Variants in ZFHX2 observed in about 807,000 individuals in gnomAD.
The protein encoded by ZFHX2 is zinc finger homeobox protein 2.
ZFHX2 carries 75 observed loss-of-function variants against 164.8 expected under a neutral mutation model. That is an observed-to-expected ratio of 0.46 (90% CI 0.38 to 0.55). The LOEUF is 0.55. Ranked by LOEUF, ZFHX2 falls within the 20% of genes least tolerant of loss-of-function variation. ZFHX2 has a pLI of 0.00. For missense variants in ZFHX2, 2,933 were observed against 3,308.0 expected (o/e 0.89, Z 2.78); for synonymous variants, 1,217 against 1,351.4 (o/e 0.90, Z 2.18).
upstream of ZFHX2, among the ~76,000 whole-genome samples, chr14:23,553,261 A>G (rs1882104855): frequency 6.6e-6 from 1 of 152,238 alleles, no homozygotes; most frequent in Non-Finnish European, 1.5e-5. Context: ...TTTATGACTG[A>G]ATCCTCACAG....
At chr14:23,540,717 G>T (rs1177075746) in intron 1 of ZFHX2, among the ~76,000 whole-genome samples, 1 of 152,160 alleles carries the variant, frequency 6.6e-6, no homozygotes, top group East Asian at 1.9e-4. Flanking sequence ...CCTTATCTGG[G>T]AAAATGGGAA....
chr14:23,522,417 G>A lies in ZFHX2; in HGVS notation c.7264C>T (p.Pro2422Ser), dbSNP rs888780658. ...ATAPPKPPEL[P>S]APGEGEAGEV... Reference sequence around the variant, plus strand: ...CCAGCTTCCCCCTCCCCTGGAGCAGGCAGTTCAGGAGGCTTTGGAGGTGCT... The same window carrying A: ...CCAGCTTCCCCCTCCCCTGGAGCAGACAGTTCAGGAGGCTTTGGAGGTGCT... Residue 2422 changes from proline to serine, a missense_variant, in exon 10 of 10, where the codon CCT becomes TCT. Transcript: ENST00000419474. 2 of 1,536,358 alleles carry A rather than the reference G, an allele frequency of 1.3e-6. No individual in the cohort carries two copies. Among genetic ancestry groups the A allele is most frequent in the East Asian group, 2.4e-5 (1 of 40,934 alleles).
In ZFHX2 at chr14:23,535,737, C is replaced by T. The variant is rs1338954119; in HGVS notation, c.-49-363G>A. Reference sequence around the variant, plus strand: ...CCTCCTGAGTAGCTGGGATTACAGGCTTGTGCCACCACACCTGACTAATTT... The same window carrying T: ...CCTCCTGAGTAGCTGGGATTACAGGTTTGTGCCACCACACCTGACTAATTT... On this transcript the variant is annotated intron_variant, in intron 1 of 9. Transcript: ENST00000419474. The surrounding 1 kb of genome is among the most constrained non-coding windows in gnomAD (Gnocchi z 4.5). Among the ~76,000 whole-genome samples the T allele has an allele frequency of 2.0e-5, 3 of 152,022 alleles. No homozygotes were observed. Among genetic ancestry groups the T allele is most frequent in the Non-Finnish European group, 4.4e-5 (3 of 67,990 alleles).
intron 1 of ZFHX2, chr14:23,544,424 G>A (rs992515601): frequency 6.6e-6 from 1 of 152,418 alleles, no homozygotes; most frequent in Admixed American, 6.5e-5. Flanking sequence ...CCTGTGTTGG[G>A]GTATGTGTAT....
chr14:23,536,408 T>A lies in ZFHX2; in HGVS notation c.-49-1034A>T, dbSNP rs144688557. Among the ~76,000 whole-genome samples, 755 of 152,308 alleles carry A rather than the reference T, an allele frequency of 5.0e-3. 3 individuals carry two copies. The highest frequency in any genetic ancestry group is 0.017 in the African/African-American group (707 of 41,556). On this transcript the variant is annotated intron_variant, in intron 1 of 9. Transcript: ENST00000419474. ...GATTTCCCCTGGCATGCAGGCACCA[T>A]GCTTCTCTCCAATGCCTTCCAGATC...
intron 1 of ZFHX2, among the ~76,000 whole-genome samples, chr14:23,550,258 T>C (rs1426584768): frequency 1.3e-5 from 2 of 152,154 alleles, no homozygotes; most frequent in Non-Finnish European, 2.9e-5. Flanking sequence ...CTGAAGGCAC[T>C]AGAGGCTTTG....
At chr14:23,531,363 T>C (rs1266673823) in intron 4 of ZFHX2, 118 bp downstream of exon 4, 9 of 1,300,462 alleles carry the variant, frequency 6.9e-6, no homozygotes, top group South Asian at 4.6e-5. Flanking sequence ...CCATTTAGTA[T>C]AGGTGGCCTA....
chr14:23,524,601 G>A lies in ZFHX2; in HGVS notation c.5341C>T (p.Gln1781Ter), dbSNP rs1810660. 1 of 1,536,150 alleles carries A rather than the reference G, an allele frequency of 6.5e-7. No individual in the cohort carries two copies. The highest frequency in any genetic ancestry group is 8.7e-7 in the Non-Finnish European group (1 of 1,146,842). The change falls in exon 9 of 10, where the codon CAG becomes TAG. Residue 1781 changes from glutamine to a stop codon, truncating the protein, a stop_gained. Coordinates refer to ENST00000419474, the MANE Select transcript of ZFHX2 (RefSeq NM_033400.3). LOFTEE classifies it high-confidence loss of function. The surrounding 1 kb of genome is among the most constrained non-coding windows in gnomAD (Gnocchi z 5.6). ...CGGCGGTGACTGGTCAGGAGGTCCT[G>A]GCTGGAGAAAGAAATGGCACACTGG... ...CDQCAISFSS[Q>*]DLLTSHRRLH...
intron 7 of ZFHX2, 49 bp downstream of exon 7, chr14:23,527,548 TCCTGCAC>T: frequency 6.5e-7 from 1 of 1,530,380 alleles, no homozygotes; most frequent in Non-Finnish European, 8.8e-7. Context: ...CTTCCTCCCC[TCCTGCAC>T]AGCCCTAATA....
rs1318319985 is a variant in ZFHX2, at chr14:23,526,910, C to A, written c.3199G>T (p.Asp1067Tyr). Residue 1067 changes from aspartate (D) to tyrosine (Y), a missense_variant, in exon 8 of 10, where the codon GAC (aspartate) becomes TAC (tyrosine). Transcript: ENST00000419474. ...VLSAPTLSPL[D>Y]NGQEPPTHGP... is the part of the protein sequence containing the mutation. ...TGAGTGGGGGGTTCTTGGCCATTGTCCAGAGGGCTTAATGTGGGTGCAGAC... is the reference window on the plus strand; with the variant it reads ...TGAGTGGGGGGTTCTTGGCCATTGTACAGAGGGCTTAATGTGGGTGCAGAC... 6.5e-7 allele frequency: 1 copy of A among 1,534,544 alleles called. No individual in the cohort carries two copies. The highest frequency in any genetic ancestry group is 8.7e-7 in the Non-Finnish European group (1 of 1,146,320).
At position 23,523,131 on chromosome 14, in the gene ZFHX2, A is replaced by C; in HGVS notation, c.6739+72T>G. 1 of 1,400,306 alleles carries C rather than the reference A, an allele frequency of 7.1e-7. No individual in the cohort carries two copies. Among genetic ancestry groups the C allele is most frequent in the Non-Finnish European group, 9.2e-7 (1 of 1,082,616 alleles). The allele number at this position is 1,400,306 out of a possible 1,614,324, so 86.7% of individuals were successfully genotyped here. A position where few individuals can be genotyped will look rare whatever the true frequency, so the allele number is the denominator to read the frequency against. The stretch of plus-strand genomic sequence containing the variant: ...AGATTGGGCATGGGAAGAATCAGGA[A>C]GGAAAAGGAAGGGCATGTCATTAGA... On this transcript the variant is annotated intron_variant, in intron 9 of 9. Transcript: ENST00000419474. This position sits in a 1 kb window ranked among gnomAD's most constrained non-coding sequence, Gnocchi z 4.1.
chr14:23,539,100 C>T (rs1201163901), intron 1 of ZFHX2, among the ~76,000 whole-genome samples: 3 of 152,192 alleles, frequency 2.0e-5, no homozygotes, highest in African/African-American at 7.2e-5. Flanking sequence ...GAGTTCCCTG[C>T]TGCCCCTTCA....
rs1174741483 is a variant in ZFHX2 at position 23,535,019 on chromosome 14, C to A, written c.307G>T (p.Glu103Ter). The A allele has an allele frequency of 6.5e-7, 1 of 1,536,104 alleles. No individual in the cohort carries two copies. The highest frequency in any genetic ancestry group is 1.2e-5 in the South Asian group (1 of 84,064). The change falls in exon 2 of 10, where the codon GAA (glutamate) becomes TAA (stop). Residue 103 changes from glutamate to a stop codon, truncating the protein, a stop_gained. Coordinates refer to ENST00000419474, the MANE Select transcript of ZFHX2 (RefSeq NM_033400.3). LOFTEE classifies it high-confidence loss of function. This position sits in a 1 kb window ranked among gnomAD's most constrained non-coding sequence, Gnocchi z 4.5. ...EKDKEQEEEE[E>*]GLPPMDLSNH... is the part of the protein sequence containing the mutation. Reference sequence around the variant, plus strand: ...CTTAGGTCCATGGGAGGGAGCCCTTCTTCTTCCTCCTCCTGCTCCTTGTCC... The same window carrying A: ...CTTAGGTCCATGGGAGGGAGCCCTTATTCTTCCTCCTCCTGCTCCTTGTCC...
rs977785551 is a variant in ZFHX2 at position 23,546,808 on chromosome 14, T to G, written c.-50+4535A>C. ...ACAGCCTGTCGCTTGCTGCAAAATA[T>G]GAGCTGCCCAACTCCGTGGCGGTGG... On this transcript the variant is annotated intron_variant, in intron 1 of 9. Transcript: ENST00000419474. This position sits in a 1 kb window ranked among gnomAD's most constrained non-coding sequence, Gnocchi z 4.7. Among the ~76,000 whole-genome samples, 6 of 152,192 alleles carry G rather than the reference T, an allele frequency of 3.9e-5. No homozygotes were observed. Among genetic ancestry groups the G allele is most frequent in the Non-Finnish European group, 5.9e-5 (4 of 68,030 alleles).
chr14:23,530,064 G>C, intron 5 of ZFHX2, 56 bp downstream of exon 5: 4 of 1,439,326 alleles, frequency 2.8e-6, no homozygotes, highest in Non-Finnish European at 3.8e-6. Flanking sequence ...TTACTGCAAG[G>C]TCCCGTGAGC....
intron 5 of ZFHX2, 79 bp downstream of exon 5, chr14:23,530,041 C>T (rs1879327296): frequency 1.5e-6 from 2 of 1,349,880 alleles, no homozygotes; most frequent in Non-Finnish European, 2.0e-6. Flanking sequence ...ACAGACATTG[C>T]TGGGCTCCTG....
intron 1 of ZFHX2, among the ~76,000 whole-genome samples, chr14:23,539,654 C>T (rs1376447229): frequency 6.6e-6 from 1 of 152,182 alleles, no homozygotes; most frequent in Non-Finnish European, 1.5e-5. Flanking sequence ...TGGATTCAGG[C>T]TGGCCGGCAG....
chr14:23,526,734 C>T lies in ZFHX2; in HGVS notation c.3263-55G>A, dbSNP rs987449864. ...GAGGGAACTTCGTTTAAGCCAGACCCCACCCACTCAATACCAAGGCAGTTG... is the reference window on the plus strand; with the variant it reads ...GAGGGAACTTCGTTTAAGCCAGACCTCACCCACTCAATACCAAGGCAGTTG... On this transcript the variant is annotated intron_variant, in intron 8 of 9. Transcript: ENST00000419474. 9 of 1,534,450 alleles carry T rather than the reference C, an allele frequency of 5.9e-6. No homozygotes were observed. In the African/African-American group the frequency reaches 1.2e-4, roughly 21 times the overall value.
chr14:23,538,003 C>T (rs1182192838), intron 1 of ZFHX2: 3 of 152,784 alleles, frequency 2.0e-5, no homozygotes, highest in African/African-American at 7.2e-5. Context: ...TGCTTCCTGG[C>T]TCCTGACTCA....
Sources: allele counts gnomAD v4.1 joint callset (sites outside exome capture counted in the v4.1 genomes callset), GRCh38; gene constraint gnomAD v4.1.1; non-coding constraint Gnocchi (gnomAD v3.1); transcripts MANE v1.5; gene names NCBI Gene and HGNC (gene_info 2026-07-23, HGNC 2026-07-21).